APOL3: variants seen among roughly 807,000 people sequenced by gnomAD.
The protein encoded by APOL3 is TNF-inducible protein CG12-1.
A neutral mutation model predicts 11.6 loss-of-function variants in APOL3; 14 were observed. That is an observed-to-expected ratio of 1.21 (90% CI 0.80 to 1.89). The LOEUF (loss-of-function observed/expected upper bound fraction) is 1.89, where lower values mean the gene tolerates loss of function less well. APOL3 is among the 40% of genes most tolerant of loss of function. The pLI is 0.00. For synonymous variants in APOL3, 192 were observed against 190.6 expected (o/e 1.01, Z -0.06); for missense variants, 483 against 492.1 (o/e 0.98, Z 0.17).
intron 1 of APOL3, chr22:36,149,725 T>G: frequency 2.5e-6 from 1 of 395,560 alleles, no homozygotes; most frequent in Admixed American, 2.9e-5. Context: ...CTTCCATGAC[T>G]GGGCTCCACT....
At chr22:36,159,193 C>T (rs1242398895) in intron 1 of APOL3, 1 of 152,212 alleles carries the variant, frequency 6.6e-6, no homozygotes, top group Non-Finnish European at 1.5e-5. Flanking sequence ...TTCCTGCAGC[C>T]CCTGCAGGCA....
intron 1 of APOL3, among the ~76,000 whole-genome samples, chr22:36,158,348 C>G (rs1447620541): frequency 6.6e-6 from 1 of 152,142 alleles, no homozygotes; most frequent in Admixed American, 6.5e-5. Context: ...CAAAGTGCCC[C>G]CACGTCATGG....
exon 2 of APOL3, chr22:36,145,585 T>C: frequency 6.2e-7 from 1 of 1,613,740 alleles, no homozygotes; most frequent in Non-Finnish European, 8.5e-7. Context: ...GCCTCTTCAG[T>C]AAAGCGTTTC....
At chr22:36,146,898 G>A in intron 1 of APOL3, among the ~76,000 whole-genome samples, 1 of 152,158 alleles carries the variant, frequency 6.6e-6, no homozygotes, top group African/African-American at 2.4e-5. Context: ...GCAGAGAAGG[G>A]ACTGGGAAGC....
intron 2 of APOL3, among the ~76,000 whole-genome samples, chr22:36,142,506 C>T (rs1380672463): frequency 6.6e-6 from 1 of 152,144 alleles, no homozygotes; most frequent in East Asian, 1.9e-4. Context: ...TCTTTGGGCC[C>T]TGGGAAGGGA....
chr22:36,163,291 A>T (rs1055424327), upstream of APOL3, among the ~76,000 whole-genome samples: 2 of 152,158 alleles, frequency 1.3e-5, no homozygotes, highest in African/African-American at 4.8e-5. Context: ...AGATCATGGG[A>T]TAGCTTGGAT....
chr22:36,157,018 A>G, intron 1 of APOL3: 1 of 456,264 alleles, frequency 2.2e-6, no homozygotes, highest in Admixed American at 2.3e-5. Context: ...TTTTTGGGGA[A>G]GAACAAATAA....
chr22:36,157,859 G>A (rs2013145527), intron 1 of APOL3, among the ~76,000 whole-genome samples: 1 of 152,104 alleles, frequency 6.6e-6, no homozygotes, highest in Non-Finnish European at 1.5e-5. Flanking sequence ...AGACCAGCCT[G>A]ACCAATATGG....
intron 1 of APOL3, among the ~76,000 whole-genome samples, chr22:36,158,464 G>A (rs2013258651): frequency 6.6e-6 from 1 of 152,138 alleles, no homozygotes; most frequent in African/African-American, 2.4e-5. Flanking sequence ...CACCAAAAAG[G>A]GAGAAATCAC....
rs368351890 is a variant in APOL3, at chr22:36,141,896, A to G, written c.513T>C (p.Arg171=). 3.7e-6 allele frequency: 6 copies of G among 1,614,116 alleles called. No homozygotes were observed. In the African/African-American group the frequency reaches 6.7e-5, roughly 18 times the overall value. ...CCTCTTCAATACCATTTGCAAGGGC[A>G]CGAAGCTTTTCTATGGACTCCTGGA... The change falls in exon 3 of 3, where the codon CGT becomes CGC. Residue 171 remains arginine (R), a synonymous_variant. Transcript: ENST00000349314.
upstream of APOL3, chr22:36,160,969 A>C (rs1245249288): frequency 2.7e-5 from 35 of 1,291,446 alleles, no homozygotes; most frequent in Non-Finnish European, 3.6e-5. Context: ...TGGCCAACCC[A>C]CCTGCCTCCC....
At chr22:36,163,023 A>G (rs972205067), upstream of APOL3, among the ~76,000 whole-genome samples, 4 of 152,212 alleles carry the variant, frequency 2.6e-5, no homozygotes, top group Non-Finnish European at 5.9e-5. Flanking sequence ...GCCACCAATA[A>G]CTTTTAGAGA....
At position 36,144,248 on chromosome 22, in the gene APOL3, A is replaced by G. The variant is rs183412996; in HGVS notation, c.350+1225T>C. On this transcript the variant is annotated intron_variant, in intron 2 of 2. Transcript: ENST00000349314. The stretch of plus-strand genomic sequence containing the variant: ...CTCAGTGCCTCCCTCTTCTCACCCT[A>G]CTCCCAGCCTTGGTGCCCGAGCCTT... Among the ~76,000 whole-genome samples, 16 of 150,958 alleles carry G rather than the reference A, an allele frequency of 1.1e-4. No individual in the cohort carries two copies. In the East Asian group the frequency reaches 2.7e-3, roughly 26 times the overall value.
exon 3 of APOL3, chr22:36,141,034 C>T (rs1172199903): frequency 1.0e-6 from 1 of 985,904 alleles, no homozygotes; most frequent in East Asian, 2.4e-5. Context: ...CACTTGCCAT[C>T]TGCATTAACC....
intron 1 of APOL3, among the ~76,000 whole-genome samples, chr22:36,151,617 C>A (rs1214758263): frequency 3.3e-5 from 5 of 152,096 alleles, no homozygotes; most frequent in African/African-American, 1.2e-4. Context: ...AAAAACAGAG[C>A]TAGATATAGA....
intron 1 of APOL3, among the ~76,000 whole-genome samples, chr22:36,154,782 C>T (rs1354913232): frequency 2.6e-5 from 4 of 152,172 alleles, no homozygotes; most frequent in Non-Finnish European, 5.9e-5. Flanking sequence ...CAAACACTCC[C>T]TCTCCTGGCT....
chr22:36,145,036 GA>G (rs1031507184), intron 2 of APOL3, among the ~76,000 whole-genome samples: 7 of 129,310 alleles, frequency 5.4e-5, no homozygotes, highest in African/African-American at 8.5e-5. Flanking sequence ...GAAAAAAAAA[GA>G]AAAAAAAAGA....
chr22:36,157,745 T>G (rs1196278290), intron 1 of APOL3, among the ~76,000 whole-genome samples: 2 of 152,200 alleles, frequency 1.3e-5, no homozygotes, highest in Non-Finnish European at 2.9e-5. Context: ...ATGAAAAGAC[T>G]GAAATCAAGT....
chr22:36,155,074 C>T (rs937672506), intron 1 of APOL3, among the ~76,000 whole-genome samples: 17 of 152,240 alleles, frequency 1.1e-4, no homozygotes, highest in Admixed American at 9.8e-4. Flanking sequence ...GTTCAACCAC[C>T]TACAGGAGTG....
Sources: allele counts gnomAD v4.1 joint callset (sites outside exome capture counted in the v4.1 genomes callset), GRCh38; gene constraint gnomAD v4.1.1; transcripts MANE v1.5; gene names NCBI Gene and HGNC (gene_info 2026-07-23, HGNC 2026-07-21).